The following SLC2A8 variants were observed in gnomAD, a reference collection of about 807,000 sequenced individuals.
SLC2A8 encodes solute carrier family 2 member 8, also known as solute carrier family 2, facilitated glucose transporter member 8.
A neutral mutation model predicts 49.2 loss-of-function variants in SLC2A8; 53 were observed. The observed-to-expected ratio is 1.08, with a 90% confidence interval of 0.86 to 1.35. SLC2A8 has a LOEUF of 1.35. Ranked by LOEUF, SLC2A8 falls within the 40% of genes most tolerant of loss-of-function variation. The probability of loss-of-function intolerance (pLI) is 0.00; values close to 1 mark genes in which losing one functional copy is unlikely to be tolerated. For missense variants in SLC2A8, 688 were observed against 671.7 expected (o/e 1.02, Z -0.27); for synonymous variants, 299 against 297.0 (o/e 1.01, Z -0.07).
rs371945038 is a variant in SLC2A8, at chr9:127,402,547, C to T, written c.527-10C>T. On this transcript the variant is annotated splice_polypyrimidine_tract_variant and intron_variant, in intron 4 of 9. Coordinates refer to ENST00000373371, the MANE Select transcript of SLC2A8 (RefSeq NM_014580.5). Reference sequence around the variant, plus strand: ...CTCTGACGCCAGCCTCCTCCACCCACCCCCCGCAGGCTGGGTGCTGGAGTG... The same window carrying T: ...CTCTGACGCCAGCCTCCTCCACCCATCCCCCGCAGGCTGGGTGCTGGAGTG... The T allele has an allele frequency of 2.4e-4, 363 of 1,512,648 alleles. 1 individual carries two copies. Among genetic ancestry groups the T allele is most frequent in the Admixed American group, 1.2e-3 (60 of 48,496 alleles). 93.7% of individuals were successfully genotyped at this position (1,512,648 alleles called of 1,614,324 possible). A position where few individuals can be genotyped will look rare whatever the true frequency, so the allele number is the denominator to read the frequency against.
intron 5 of SLC2A8, 92 bp downstream of exon 5, chr9:127,402,845 G>A (rs1833345176): frequency 1.4e-6 from 2 of 1,398,006 alleles, no homozygotes; most frequent in Non-Finnish European, 1.9e-6. Flanking sequence ...CTTGGGGGGT[G>A]GGGGACAGGG....
Position 127,404,060 on chromosome 9 carries a change from C to A in SLC2A8, c.969C>A (p.Val323=). The change falls in exon 7 of 10, where the codon GTC becomes GTA. Residue 323 remains valine (V), a synonymous_variant. Coordinates refer to ENST00000373371, the MANE Select transcript of SLC2A8 (RefSeq NM_014580.5). The part of the protein sequence containing the change: ...MDRAGRRLLL[V]LSGVVMVFST... ...GAGCAGGGCGGAGGCTGCTCCTGGT[C>A]TTGTCAGGTGAGGGTTCACCCCTGT... is the stretch of plus-strand genomic sequence containing the variant. The A allele has an allele frequency of 6.3e-7, 1 of 1,594,678 alleles. No homozygotes were observed. Among genetic ancestry groups the A allele is most frequent in the Non-Finnish European group, 8.6e-7 (1 of 1,165,856 alleles).
rs978774093 is a variant in SLC2A8 at position 127,399,423 on chromosome 9, C to T, written c.427-484C>T. On this transcript the variant is annotated intron_variant, in intron 3 of 9. Transcript: ENST00000373371. This position sits in a 1 kb window ranked among gnomAD's most constrained non-coding sequence, Gnocchi z 4.2. ...GCCACAGATCTTTCAGTGGTGGGGACCTGGGGATGGCTCTGCTCACCTAGG... is the reference window on the plus strand; with the variant it reads ...GCCACAGATCTTTCAGTGGTGGGGATCTGGGGATGGCTCTGCTCACCTAGG... Among the ~76,000 whole-genome samples the T allele has an allele frequency of 2.0e-5, 3 of 152,112 alleles. No individual in the cohort carries two copies. Among genetic ancestry groups the T allele is most frequent in the African/African-American group, 7.2e-5 (3 of 41,398 alleles).
At chr9:127,400,118 T>G (rs1833218858) in intron 4 of SLC2A8, 112 bp downstream of exon 4, 15 of 760,316 alleles carry the variant, frequency 2.0e-5, no homozygotes, top group South Asian at 1.2e-4. Flanking sequence ...ACATAGCCAG[T>G]GCCCAACATG....
chr9:127,404,164 G>A (rs2131904357), intron 7 of SLC2A8, 97 bp downstream of exon 7: 2 of 820,176 alleles, frequency 2.4e-6, no homozygotes, highest in South Asian at 3.3e-5. Flanking sequence ...CATTTGTGAT[G>A]ACAAACATCA....
Position 127,403,961 on chromosome 9 carries a change from C to CAGCA in SLC2A8, c.871_874dup (p.Ser292LysfsTer75). Reference sequence around the variant, plus strand: ...TGCCTGGGCTCTGTCTCCCCCAGGACAGCAGCCTGGCCTCGGTCGTCGTGG... The same window carrying CAGCA: ...TGCCTGGGCTCTGTCTCCCCCAGGACAGCAAGCAGCCTGGCCTCGGTCGTCGTGG... On this transcript the variant is annotated frameshift_variant, in exon 7 of 10. Coordinates refer to ENST00000373371, the MANE Select transcript of SLC2A8 (RefSeq NM_014580.5). LOFTEE classifies it high-confidence loss of function. 1 of 1,611,156 alleles carries CAGCA rather than the reference C, an allele frequency of 6.2e-7. No homozygotes were observed. Among genetic ancestry groups the CAGCA allele is most frequent in the Non-Finnish European group, 8.5e-7 (1 of 1,178,502 alleles).
At chr9:127,403,426 T>C (rs1833367254) in intron 5 of SLC2A8, 2 of 581,660 alleles carry the variant, frequency 3.4e-6, no homozygotes, top group Non-Finnish European at 6.1e-6. Flanking sequence ...AGATTACCTC[T>C]TTGTGGCTCC....
intron 3 of SLC2A8, among the ~76,000 whole-genome samples, chr9:127,398,617 C>T (rs1456384295): frequency 6.6e-6 from 1 of 152,242 alleles, no homozygotes; most frequent in Non-Finnish European, 1.5e-5. Flanking sequence ...CCATCTTCCC[C>T]CTTTCCCCCT....
chr9:127,399,425 T>C lies in SLC2A8; in HGVS notation c.427-482T>C, dbSNP rs1833183320. Among the ~76,000 whole-genome samples the C allele has an allele frequency of 6.6e-6, 1 of 152,136 alleles. No individual in the cohort carries two copies. Among genetic ancestry groups the C allele is most frequent in the Non-Finnish European group, 1.5e-5 (1 of 68,020 alleles). On this transcript the variant is annotated intron_variant, in intron 3 of 9. Coordinates refer to ENST00000373371, the MANE Select transcript of SLC2A8 (RefSeq NM_014580.5). The surrounding 1 kb of genome is among the most constrained non-coding windows in gnomAD (Gnocchi z 4.2). The stretch of plus-strand genomic sequence containing the variant: ...CACAGATCTTTCAGTGGTGGGGACC[T>C]GGGGATGGCTCTGCTCACCTAGGCA...
At chr9:127,406,523 C>T (rs1368416013) in intron 9 of SLC2A8, among the ~76,000 whole-genome samples, 1 of 150,334 alleles carries the variant, frequency 6.7e-6, no homozygotes, top group Non-Finnish European at 1.5e-5. Flanking sequence ...AGAAAATGTC[C>T]AAGAGGCCAA....
rs1334376343 is a variant in SLC2A8, at chr9:127,398,078, C to T, written c.393C>T (p.Gly131=). 1 of 1,587,792 alleles carries T rather than the reference C, an allele frequency of 6.3e-7. No individual in the cohort carries two copies. The highest frequency in any genetic ancestry group is 8.5e-7 in the Non-Finnish European group (1 of 1,172,428). The part of the protein sequence containing the change: ...WMLLGGRLLT[G]LACGVASLVA... ...TGCTGGGGGGCCGCCTCCTCACCGGCCTGGCCTGCGGTGTTGCCTCCCTAG... is the reference window on the plus strand; with the variant it reads ...TGCTGGGGGGCCGCCTCCTCACCGGTCTGGCCTGCGGTGTTGCCTCCCTAG... The change falls in exon 3 of 10, where the codon GGC becomes GGT. Residue 131 remains glycine (G), a synonymous_variant. Coordinates refer to ENST00000373371, the MANE Select transcript of SLC2A8 (RefSeq NM_014580.5).
rs994823825 is a variant in SLC2A8 at position 127,402,733 on chromosome 9, C to A, written c.703C>A (p.Pro235Thr). ...LWGSEQGWED[P>T]PIGAEQSFHL... is the part of the protein sequence containing the mutation. ...GGGCTCCGAGCAGGGCTGGGAAGAC[C>A]CCCCCATCGGGGCTGAGCAGGTGAG... Residue 235 changes from proline (P) to threonine (T), a missense_variant, in exon 5 of 10, where the codon CCC (proline) becomes ACC (threonine). Pro to Thr is a conservative substitution (Grantham distance 38). Coordinates refer to ENST00000373371, the MANE Select transcript of SLC2A8 (RefSeq NM_014580.5). The A allele has an allele frequency of 1.9e-6, 3 of 1,549,574 alleles. No homozygotes were observed. The highest frequency in any genetic ancestry group is 1.2e-5 in the South Asian group (1 of 84,048).
At chr9:127,405,334 G>A (rs1589012468) in intron 8 of SLC2A8, 86 bp from the exon 9 acceptor site, 1 of 1,489,596 alleles carries the variant, frequency 6.7e-7, no homozygotes, top group East Asian at 2.3e-5. Context: ...CACAGGCTGG[G>A]AAGCTGGGTC....
chr9:127,403,805 T>C lies in SLC2A8; in HGVS notation c.867+2T>C. 6.2e-7 allele frequency: 1 copy of C among 1,611,862 alleles called. No homozygotes were observed. Among genetic ancestry groups the C allele is most frequent in the Non-Finnish European group, 8.5e-7 (1 of 1,179,260 alleles). ...ATCTTTGAAGAGGCCAAGTTCAAGG[T>C]AAAAGGGCCCTGCCTGGCCTGCCTC... is the stretch of plus-strand genomic sequence containing the variant. On this transcript the variant is annotated splice_donor_variant, in intron 6 of 9. Coordinates refer to ENST00000373371, the MANE Select transcript of SLC2A8 (RefSeq NM_014580.5). LOFTEE classifies it high-confidence loss of function.
chr9:127,405,736 G>A (rs1372478521), intron 9 of SLC2A8, among the ~76,000 whole-genome samples, 171 bp downstream of exon 9: 1 of 152,252 alleles, frequency 6.6e-6, no homozygotes, highest in Non-Finnish European at 1.5e-5. Context: ...AGATGGGCTA[G>A]GCCAGATGGG....
chr9:127,398,838 C>T (rs1833153120), intron 3 of SLC2A8, among the ~76,000 whole-genome samples: 1 of 152,206 alleles, frequency 6.6e-6, no homozygotes, highest in South Asian at 2.1e-4. Context: ...ATCCTGACAG[C>T]TTGGTGACCC....
In SLC2A8 at chr9:127,407,120, C is replaced by T; in HGVS notation, c.1305C>T (p.Leu435=). The change falls in exon 10 of 10, where the codon CTC becomes CTT. Residue 435 remains leucine (L), a synonymous_variant. Transcript: ENST00000373371. ...TKEFSSLMEV[L]RPYGAFWLAS... ...CTTTCCTCTCTCTGCAGGAGGTCCT[C>T]AGGCCCTATGGAGCCTTCTGGCTTG... 1 of 1,613,402 alleles carries T rather than the reference C, an allele frequency of 6.2e-7. No homozygotes were observed. The highest frequency in any genetic ancestry group is 8.5e-7 in the Non-Finnish European group (1 of 1,179,984).
At chr9:127,402,354 T>C (rs1159570629) in intron 4 of SLC2A8, 1 of 701,616 alleles carries the variant, frequency 1.4e-6, no homozygotes, top group East Asian at 3.0e-5. Flanking sequence ...TCATACCCAC[T>C]GTCGCTTCCG....
At chr9:127,407,043 G>C (rs1006299141) in intron 9 of SLC2A8, 69 bp from the exon 10 acceptor site, 1 of 1,579,556 alleles carries the variant, frequency 6.3e-7, no homozygotes, top group African/African-American at 1.3e-5. Flanking sequence ...TGGCAGAGCT[G>C]TCTCAGTGAT....
Sources: allele counts gnomAD v4.1 joint callset (sites outside exome capture counted in the v4.1 genomes callset), GRCh38; gene constraint gnomAD v4.1.1; non-coding constraint Gnocchi (gnomAD v3.1); transcripts MANE v1.5; gene names NCBI Gene and HGNC (gene_info 2026-07-23, HGNC 2026-07-21).